PPP1R16B: variants seen among roughly 807,000 people sequenced by gnomAD.
PPP1R16B encodes protein phosphatase 1 regulatory inhibitor subunit 16B.
A neutral mutation model predicts 61.7 loss-of-function variants in PPP1R16B; 14 were observed. The observed-to-expected ratio is 0.23, with a 90% CI of 0.15 to 0.35. The LOEUF (loss-of-function observed/expected upper bound fraction) is 0.35. PPP1R16B is among the 10% of genes least tolerant of loss of function. The probability of loss-of-function intolerance (pLI) is 1.00; values close to 1 mark genes in which losing one functional copy is unlikely to be tolerated. For missense variants in PPP1R16B, 547 were observed against 752.5 expected, an observed-to-expected ratio of 0.73 and a Z score of 3.19; for synonymous variants, 266 against 305.3, an observed-to-expected ratio of 0.87 and a Z score of 1.34.
intron 2 of PPP1R16B, among the ~76,000 whole-genome samples, chr20:38,873,505 G>C (rs529955290): frequency 6.6e-6 from 1 of 152,134 alleles, no homozygotes; most frequent in Non-Finnish European, 1.5e-5. Flanking sequence ...TCAGGAACCC[G>C]GGGTCGCTGG....
rs1389119723 is a variant in PPP1R16B, at chr20:38,918,532, A to G, written c.1570A>G (p.Arg524Gly). The change falls in exon 11 of 11, where the codon AGA (arginine) becomes GGA (glycine). Residue 524 changes from arginine to glycine, a missense_variant. By Grantham distance (125) the Arg-to-Gly change is moderately radical. Transcript: ENST00000299824. The surrounding 1 kb of genome is among the most constrained non-coding windows in gnomAD (Gnocchi z 5.3). ...AGGCAAGGCCCCCTTGATCGGAGGC[A>G]GAACTTCACCGTACAGCAGCAATGG... is the stretch of plus-strand genomic sequence containing the variant. Reference protein sequence around the residue: ...SEGKAPLIGGRTSPYSSNGTS... With the variant: ...SEGKAPLIGGGTSPYSSNGTS... 2 of 1,590,132 alleles carry G rather than the reference A, an allele frequency of 1.3e-6. No individual in the cohort carries two copies. The highest frequency in any genetic ancestry group is 3.4e-5 in the Admixed American group (2 of 58,092).
intron 4 of PPP1R16B, among the ~76,000 whole-genome samples, chr20:38,895,974 C>CA (rs200960151): frequency 2.7e-5 from 3 of 110,118 alleles, no homozygotes; most frequent in East Asian, 3.3e-4. Context: ...TTTCTTCCCT[C>CA]CCTCCCTCCT....
chr20:38,827,781 T>A (rs1202883077), intron 1 of PPP1R16B, among the ~76,000 whole-genome samples: 1 of 96,050 alleles, frequency 1.0e-5, no homozygotes, highest in African/African-American at 4.5e-5. Flanking sequence ...AGTTAAAGCA[T>A]CTTTATGCTG....
At chr20:38,823,948 G>A (rs975326403) in intron 1 of PPP1R16B, among the ~76,000 whole-genome samples, 6 of 151,956 alleles carry the variant, frequency 3.9e-5, no homozygotes, top group Non-Finnish European at 7.4e-5. Context: ...AAGGAGAGGG[G>A]ATATTAAAAA....
chr20:38,889,373 A>C (rs973771548), intron 2 of PPP1R16B, among the ~76,000 whole-genome samples: 8 of 152,364 alleles, frequency 5.3e-5, no homozygotes, highest in East Asian at 1.9e-4. Flanking sequence ...GCATCCGGGA[A>C]GTGCTAAATA....
intron 2 of PPP1R16B, among the ~76,000 whole-genome samples, chr20:38,886,037 A>C (rs924126633): frequency 2.6e-5 from 4 of 152,202 alleles, no homozygotes; most frequent in African/African-American, 9.6e-5. Flanking sequence ...TGGCATCCCA[A>C]AGTGCTGGAA....
intron 1 of PPP1R16B, among the ~76,000 whole-genome samples, chr20:38,815,165 C>T (rs2084727406): frequency 6.6e-6 from 1 of 152,164 alleles, no homozygotes; most frequent in Admixed American, 6.5e-5. Flanking sequence ...CCACTCATCC[C>T]TTTTCCCCGG....
chr20:38,818,681 T>A (rs1245986231), intron 1 of PPP1R16B, among the ~76,000 whole-genome samples: 5 of 152,020 alleles, frequency 3.3e-5, no homozygotes, highest in African/African-American at 4.8e-5. Flanking sequence ...CTCAGTTAAC[T>A]CCTGCAGTCA....
intron 2 of PPP1R16B, among the ~76,000 whole-genome samples, chr20:38,845,256 C>A (rs1346623621): frequency 6.6e-6 from 1 of 152,158 alleles, no homozygotes; most frequent in Non-Finnish European, 1.5e-5. Context: ...GATCTACACA[C>A]AAACAAGGAG....
At chr20:38,859,106 C>A (rs771757836) in intron 2 of PPP1R16B, among the ~76,000 whole-genome samples, 3 of 152,188 alleles carry the variant, frequency 2.0e-5, no homozygotes, top group Non-Finnish European at 4.4e-5. Flanking sequence ...TGGAAGGGAC[C>A]AAGACCCCAC....
At chr20:38,807,680 A>G (rs1356605955) in intron 1 of PPP1R16B, among the ~76,000 whole-genome samples, 3 of 152,036 alleles carry the variant, frequency 2.0e-5, no homozygotes, top group Non-Finnish European at 4.4e-5. Flanking sequence ...AGTCCCCAGG[A>G]TGCTGGGGGC....
intron 2 of PPP1R16B, among the ~76,000 whole-genome samples, chr20:38,848,605 T>C (rs759754786): frequency 4.4e-4 from 67 of 152,354 alleles, no homozygotes; most frequent in Non-Finnish European, 6.2e-4. Context: ...TTAGGACTGT[T>C]TGGTCAAGTT....
chr20:38,907,307 GTGGGTGGATGGA>G lies in PPP1R16B; in HGVS notation c.898+257_898+268del, dbSNP rs1339063290. Among the ~76,000 whole-genome samples, 2 of 139,170 alleles carry G rather than the reference GTGGGTGGATGGA, an allele frequency of 1.4e-5. No homozygotes were observed. Among genetic ancestry groups the G allele is most frequent in the African/African-American group, 2.9e-5 (1 of 34,992 alleles). The allele number at this position is 139,170 out of a possible 152,430, so 91.3% of individuals were successfully genotyped here. A position where few individuals can be genotyped will look rare whatever the true frequency, so the allele number is the denominator to read the frequency against. ...GAGGTCTGGTTGAATGGATGGGTGG[GTGGGTGGATGGA>G]TGGATGGATGGATGGATGGATGGAT... On this transcript the variant is annotated intron_variant, in intron 8 of 10. Coordinates refer to ENST00000299824, the MANE Select transcript of PPP1R16B (RefSeq NM_015568.4). The surrounding 1 kb of genome is among the most constrained non-coding windows in gnomAD (Gnocchi z 4.5).
chr20:38,830,165 T>C (rs1568655397), intron 1 of PPP1R16B, among the ~76,000 whole-genome samples: 1 of 152,208 alleles, frequency 6.6e-6, no homozygotes, highest in Non-Finnish European at 1.5e-5. Flanking sequence ...TCAGCCTCTG[T>C]ATCCTTGGAG....
chr20:38,869,684 T>C (rs1249342912), intron 2 of PPP1R16B, among the ~76,000 whole-genome samples: 2 of 152,188 alleles, frequency 1.3e-5, no homozygotes, highest in African/African-American at 4.8e-5. Context: ...GTATGGACCC[T>C]GTGTGAGCCT....
At chr20:38,819,786 T>TA (rs902606541) in intron 1 of PPP1R16B, among the ~76,000 whole-genome samples, 30 of 148,080 alleles carry the variant, frequency 2.0e-4, no homozygotes, top group South Asian at 4.3e-4. Context: ...GAGCAGTATT[T>TA]AAAAAAAAAA....
At chr20:38,885,499 G>A (rs990048754) in intron 2 of PPP1R16B, among the ~76,000 whole-genome samples, 8 of 152,166 alleles carry the variant, frequency 5.3e-5, no homozygotes, top group Non-Finnish European at 1.2e-4. Flanking sequence ...CACAGGTCTC[G>A]ACGTGGCAGA....
At chr20:38,865,809 C>A (rs1470887823) in intron 2 of PPP1R16B, among the ~76,000 whole-genome samples, 1 of 152,114 alleles carries the variant, frequency 6.6e-6, no homozygotes, top group East Asian at 1.9e-4. Context: ...TTTGAGGGCA[C>A]CACTCATCAC....
In PPP1R16B at chr20:38,806,451, C is replaced by T. The variant is rs1034902970; in HGVS notation, c.-102+659C>T. 6.6e-6 allele frequency among the ~76,000 whole-genome samples: 1 copy of T among 152,062 alleles called. No individual in the cohort carries two copies. Among genetic ancestry groups the T allele is most frequent in the Admixed American group, 6.5e-5 (1 of 15,282 alleles). On this transcript the variant is annotated intron_variant, in intron 1 of 10. Coordinates refer to ENST00000299824, the MANE Select transcript of PPP1R16B (RefSeq NM_015568.4). This position sits in a 1 kb window ranked among gnomAD's most constrained non-coding sequence, Gnocchi z 4.5. ...GCGCGCCCGGCCTCTCCCAGGGCCC[C>T]GTGCGCCGGCGGCTGGGTCCCCCGC...
Sources: gnomAD v4.1 joint callset for allele counts (sites outside exome capture counted in the v4.1 genomes callset) on GRCh38, gnomAD v4.1.1 for gene constraint, Gnocchi (gnomAD v3.1) non-coding constraint, MANE v1.5 for transcripts, NCBI Gene and HGNC (gene_info 2026-07-23, HGNC 2026-07-21) for gene names.